The following CCNY variants were observed in gnomAD, a reference collection of about 807,000 sequenced individuals.
The protein encoded by CCNY is cyclin-Y.
A neutral mutation model predicts 42.8 loss-of-function variants in CCNY; 19 were observed. That is an observed-to-expected ratio of 0.44 (90% CI 0.31 to 0.65). The LOEUF (loss-of-function observed/expected upper bound fraction) is 0.65, where lower values mean the gene tolerates loss of function less well. Ranked by LOEUF, CCNY falls within the 30% of genes least tolerant of loss-of-function variation. The pLI is 0.07. For synonymous variants in CCNY, 165 were observed against 162.7 expected (o/e 1.01, Z -0.11); for missense variants, 370 against 437.3 (o/e 0.85, Z 1.37).
intron 3 of CCNY, among the ~76,000 whole-genome samples, chr10:35,265,937 C>A (rs911125099): frequency 2.0e-5 from 3 of 152,020 alleles, no homozygotes; most frequent in Admixed American, 2.0e-4. Context: ...AGAAGCCAGC[C>A]CCACTCTTTA....
At chr10:35,516,661 C>CTTTTTTTTTTTTTTTTTTTTTTTTT (rs35268084) in intron 4 of CCNY, 38 bp downstream of exon 4, 1 of 277,496 alleles carries the variant, frequency 3.6e-6, no homozygotes, top group African/African-American at 5.1e-5. Context: ...TCCTTCCTTC[C>CTTTTTTTTTTTTTTTTTTTTTTTTT]TTTTTTTTTT....
At chr10:35,268,369 T>G (rs1033290623) in intron 3 of CCNY, among the ~76,000 whole-genome samples, 6 of 152,138 alleles carry the variant, frequency 3.9e-5, no homozygotes, top group Admixed American at 3.3e-4. Flanking sequence ...ACAAACAACA[T>G]TCAATCTTAA....
chr10:35,326,156 G>GA, intron 3 of CCNY, among the ~76,000 whole-genome samples: 1 of 148,558 alleles, frequency 6.7e-6, no homozygotes, highest in South Asian at 2.2e-4. Context: ...TGAGTTTTTT[G>GA]TTTTTTTTTT....
At chr10:35,365,003 A>G (rs1033256900) in intron 1 of CCNY, among the ~76,000 whole-genome samples, 1 of 152,242 alleles carries the variant, frequency 6.6e-6, no homozygotes, top group African/African-American at 2.4e-5. Context: ...AGTAGGCTTA[A>G]ACAAATGTAT....
intron 3 of CCNY, among the ~76,000 whole-genome samples, chr10:35,504,365 C>T (rs1217779932): frequency 6.6e-6 from 1 of 152,126 alleles, no homozygotes; most frequent in African/African-American, 2.4e-5. Flanking sequence ...GGGAATGGGG[C>T]AGTAGAGAAT....
intron 1 of CCNY, among the ~76,000 whole-genome samples, chr10:35,337,658 A>G (rs1836077576): frequency 6.6e-6 from 1 of 152,196 alleles, no homozygotes; most frequent in Non-Finnish European, 1.5e-5. Flanking sequence ...TCCAACCTCG[A>G]GTTGGAGAAC....
chr10:35,363,480 G>A (rs1393480691), intron 1 of CCNY, among the ~76,000 whole-genome samples: 4 of 152,240 alleles, frequency 2.6e-5, no homozygotes, highest in African/African-American at 9.6e-5. Context: ...CGGCCTGGTA[G>A]AGGCGGGGAT....
intron 1 of CCNY, among the ~76,000 whole-genome samples, chr10:35,480,865 C>G (rs557425902): frequency 6.6e-6 from 1 of 152,214 alleles, no homozygotes; most frequent in East Asian, 1.9e-4. Flanking sequence ...CCTCAGGAGG[C>G]TGAAGCAGGA....
intron 3 of CCNY, among the ~76,000 whole-genome samples, chr10:35,284,563 A>G (rs1412158910): frequency 2.0e-5 from 3 of 152,134 alleles, no homozygotes; most frequent in Non-Finnish European, 2.9e-5. Flanking sequence ...GCTGTTTCAA[A>G]GGACCAGTGT....
intron 7 of CCNY, among the ~76,000 whole-genome samples, chr10:35,547,041 C>T (rs889361107): frequency 1.3e-5 from 2 of 152,110 alleles, no homozygotes; most frequent in African/African-American, 4.8e-5. Flanking sequence ...CTGCTCTCAG[C>T]ACAGTGGTAT....
At chr10:35,465,938 A>AGAGAGAGAGAGAGGGTGTGT in intron 1 of CCNY, among the ~76,000 whole-genome samples, 1 of 80,960 alleles carries the variant, frequency 1.2e-5, no homozygotes. Flanking sequence ...AGAGAGAGAG[A>AGAGAGAGAGAGAGGGTGTGT]GTGTGTGTGT....
chr10:35,441,699 A>G (rs1415872403), intron 1 of CCNY, among the ~76,000 whole-genome samples: 1 of 152,176 alleles, frequency 6.6e-6, no homozygotes, highest in Non-Finnish European at 1.5e-5. Flanking sequence ...ATGAGCTGAG[A>G]TTGTGCCACT....
At chr10:35,296,806 GTAATAAA>G in intron 3 of CCNY, among the ~76,000 whole-genome samples, 4 of 152,226 alleles carry the variant, frequency 2.6e-5, no homozygotes, top group African/African-American at 9.6e-5. Context: ...AATTGAAGCA[GTAATAAA>G]AAGCCTACCA....
intron 7 of CCNY, among the ~76,000 whole-genome samples, chr10:35,534,356 C>T (rs950443210): frequency 2.0e-5 from 3 of 152,110 alleles, no homozygotes; most frequent in East Asian, 1.9e-4. Flanking sequence ...GAAAAAAACT[C>T]GTCAACTTCG....
chr10:35,490,413 A>T (rs539469725), intron 2 of CCNY, among the ~76,000 whole-genome samples: 1 of 152,366 alleles, frequency 6.6e-6, no homozygotes, highest in African/African-American at 2.4e-5. Flanking sequence ...TAACATGTTA[A>T]TGTGCATGCC....
At chr10:35,307,397 T>C (rs1043615903) in intron 3 of CCNY, among the ~76,000 whole-genome samples, 3 of 152,240 alleles carry the variant, frequency 2.0e-5, no homozygotes, top group Non-Finnish European at 4.4e-5. Context: ...AATGAAATGT[T>C]TCAGCATCTG....
intron 3 of CCNY, among the ~76,000 whole-genome samples, chr10:35,273,895 A>G (rs1188731866): frequency 2.6e-5 from 4 of 152,166 alleles, no homozygotes; most frequent in Non-Finnish European, 2.9e-5. Context: ...CACAGAAGCC[A>G]GGACCTGTGG....
intron 2 of CCNY, among the ~76,000 whole-genome samples, chr10:35,485,874 A>G (rs1281956349): frequency 6.6e-6 from 1 of 152,178 alleles, no homozygotes; most frequent in Non-Finnish European, 1.5e-5. Flanking sequence ...AAAGCTCCTC[A>G]GACATCTTCA....
At position 35,337,221 on chromosome 10, in the gene CCNY, G is replaced by A. The variant is rs1836060922; in HGVS notation, c.154+14G>A. 1 of 1,509,292 alleles carries A rather than the reference G, an allele frequency of 6.6e-7. No homozygotes were observed. The highest frequency in any genetic ancestry group is 8.9e-7 in the Non-Finnish European group (1 of 1,124,318). The allele number at this position is 1,509,292 out of a possible 1,614,324, so 93.5% of individuals were successfully genotyped here. A position where few individuals can be genotyped will look rare whatever the true frequency, so the allele number is the denominator to read the frequency against. ...AGAACATAGACGGTGAGTGCGGCCCGCCGAGCCCCCTACCCGCCCCCGCGG... is the reference window on the plus strand; with the variant it reads ...AGAACATAGACGGTGAGTGCGGCCCACCGAGCCCCCTACCCGCCCCCGCGG... On this transcript the variant is annotated intron_variant, in intron 1 of 9. Coordinates refer to ENST00000374704, the MANE Select transcript of CCNY (RefSeq NM_145012.6).
Sources: allele counts gnomAD v4.1 joint callset (sites outside exome capture counted in the v4.1 genomes callset), GRCh38; gene constraint gnomAD v4.1.1; transcripts MANE v1.5; gene names NCBI Gene and HGNC (gene_info 2026-07-23, HGNC 2026-07-21).